The following SPI1 variants were observed in gnomAD, a reference collection of about 807,000 sequenced individuals.
The protein encoded by SPI1 is transcription factor PU.1.
Under a neutral mutation model 30.7 loss-of-function variants are expected in SPI1, and 3 were observed. The ratio of observed to expected loss-of-function variants is 0.10; its 90% CI spans 0.04 to 0.25. The LOEUF (loss-of-function observed/expected upper bound fraction) is 0.25. Among genes scored for constraint, SPI1 ranks in the 10% least tolerant of loss-of-function variants. The pLI, the probability that SPI1 is intolerant of heterozygous loss-of-function variation, is 1.00. For missense variants in SPI1, 261 were observed against 371.5 expected (o/e 0.70, Z 2.45); for synonymous variants, 169 against 157.1 (o/e 1.08, Z -0.56).
intron 1 of SPI1, among the ~76,000 whole-genome samples, chr11:47,377,813 G>T (rs58327327): frequency 6.3e-4 from 96 of 152,316 alleles, no homozygotes; most frequent in African/African-American, 2.2e-3. Flanking sequence ...TGTCCTCTGT[G>T]CCAGGCCCCA....
Position 47,355,479 on chromosome 11 carries a change from G to A in SPI1, c.561C>T (p.Asp187=), listed in dbSNP as rs779304769. The A allele has an allele frequency of 1.1e-5, 17 of 1,613,304 alleles. No homozygotes were observed. Among genetic ancestry groups the A allele is most frequent in the Non-Finnish European group, 1.4e-5 (17 of 1,179,508 alleles). ...LDLLRSGDMK[D]SIWWVDKDKG... is the part of the protein sequence containing the mutation. ...TGTCCTTGTCCACCCACCAGATGCT[G>A]TCCTTCATGTCGCCGCTGCGGAGCA... Residue 187 remains aspartate, a synonymous_variant, in exon 5 of 5, where the codon GAC becomes GAT. Transcript: ENST00000378538.
chr11:47,371,080 G>A (rs1481811387), intron 2 of SPI1, among the ~76,000 whole-genome samples: 1 of 152,006 alleles, frequency 6.6e-6, no homozygotes, highest in Admixed American at 6.6e-5. Flanking sequence ...AAGACTGGAG[G>A]CCGGGCACGG....
At position 47,355,715 on chromosome 11, in the gene SPI1, C is replaced by G. The variant is rs144813051; in HGVS notation, c.494-169G>C. Among the ~76,000 whole-genome samples, 628 of 152,028 alleles carry G rather than the reference C, an allele frequency of 4.1e-3. 1 individual carries two copies. Among genetic ancestry groups the G allele is most frequent in the African/African-American group, 0.015 (614 of 41,428 alleles). On this transcript the variant is annotated intron_variant, in intron 4 of 4. Coordinates refer to ENST00000378538, the MANE Select transcript of SPI1 (RefSeq NM_003120.3). Reference sequence around the variant, plus strand: ...TACACAACGCACCCACACTCACACACACACACATGCTTGCGCACACACAGG... The same window carrying G: ...TACACAACGCACCCACACTCACACAGACACACATGCTTGCGCACACACAGG...
At chr11:47,356,082 CAT>C (rs748016549) in intron 4 of SPI1, among the ~76,000 whole-genome samples, 17 of 151,750 alleles carry the variant, frequency 1.1e-4, no homozygotes, top group South Asian at 4.2e-4. Context: ...TGCTCACACA[CAT>C]GCTTGTGCAA....
chr11:47,355,598 G>T, intron 4 of SPI1, 52 bp from the exon 5 acceptor site: 1 of 1,454,090 alleles, frequency 6.9e-7, no homozygotes, highest in Non-Finnish European at 9.2e-7. Flanking sequence ...CATGGGAGCC[G>T]CCCCCACCGC....
intron 4 of SPI1, among the ~76,000 whole-genome samples, chr11:47,356,543 G>C (rs145081943): frequency 6.8e-6 from 1 of 146,710 alleles, no homozygotes; most frequent in Non-Finnish European, 1.5e-5. Flanking sequence ...CCTCACACCA[G>C]GTTCACACAC....
intron 4 of SPI1, among the ~76,000 whole-genome samples, chr11:47,356,118 C>G (rs2095908557): frequency 6.6e-6 from 1 of 151,372 alleles, no homozygotes; most frequent in African/African-American, 2.4e-5. Flanking sequence ...CAGATTGCAC[C>G]CACACCCACC....
intron 4 of SPI1, among the ~76,000 whole-genome samples, chr11:47,356,990 C>T (rs919330552): frequency 6.7e-6 from 1 of 148,946 alleles, no homozygotes; most frequent in African/African-American, 2.5e-5. Flanking sequence ...ACATGCTCAC[C>T]TATCCATACA....
At position 47,355,052 on chromosome 11, in the gene SPI1, G is replaced by A. The variant is rs2095905855; in HGVS notation, c.*175C>T. ...CCGGGGTGGAGTCCTGGAGGGAGGC[G>A]AAGCGGGATGTGGAGGGGGCCTGGA... On this transcript the variant is annotated 3_prime_UTR_variant, in exon 5 of 5. Transcript: ENST00000378538. 1 of 399,472 alleles carries A rather than the reference G, an allele frequency of 2.5e-6. No homozygotes were observed. The highest frequency in any genetic ancestry group is 4.7e-5 in the East Asian group (1 of 21,302). 24.7% of individuals were successfully genotyped at this position (399,472 alleles called of 1,614,324 possible).
At chr11:47,369,636 G>T (rs1473336853) in intron 2 of SPI1, among the ~76,000 whole-genome samples, 1 of 151,626 alleles carries the variant, frequency 6.6e-6, no homozygotes, top group Non-Finnish European at 1.5e-5. Flanking sequence ...ACATGGAGTG[G>T]TATCAGACTT....
At position 47,374,487 on chromosome 11, in the gene SPI1, A is replaced by G. The variant is rs776853957; in HGVS notation, c.142+1146T>C. Among the ~76,000 whole-genome samples, 17 of 152,074 alleles carry G rather than the reference A, an allele frequency of 1.1e-4. No homozygotes were observed. Among genetic ancestry groups the G allele is most frequent in the Non-Finnish European group, 1.9e-4 (13 of 68,016 alleles). On this transcript the variant is annotated intron_variant, in intron 2 of 4. Coordinates refer to ENST00000378538, the MANE Select transcript of SPI1 (RefSeq NM_003120.3). This position sits in a 1 kb window ranked among gnomAD's most constrained non-coding sequence, Gnocchi z 4.5. ...CACATGTGGATCCCTAGCTGGGCCC[A>G]TCAGGTTTAGACCGCCACAGGTGCA...
intron 2 of SPI1, among the ~76,000 whole-genome samples, chr11:47,365,365 T>C (rs1324518850): frequency 6.6e-6 from 1 of 152,226 alleles, no homozygotes; most frequent in East Asian, 1.9e-4. Flanking sequence ...TAGATCTCAA[T>C]CGCTATTTGA....
intron 4 of SPI1, chr11:47,358,297 T>C: frequency 2.0e-6 from 1 of 497,262 alleles, no homozygotes; most frequent in Non-Finnish European, 3.7e-6. Context: ...CACATATCAC[T>C]CACACATGCC....
chr11:47,377,289 A>G (rs1468696497), intron 1 of SPI1, among the ~76,000 whole-genome samples: 1 of 152,088 alleles, frequency 6.6e-6, no homozygotes, highest in African/African-American at 2.4e-5. Flanking sequence ...GAGCCAGGGC[A>G]TAGTGGGGGA....
At chr11:47,369,548 A>C (rs1232633149) in intron 2 of SPI1, among the ~76,000 whole-genome samples, 1 of 84,398 alleles carries the variant, frequency 1.2e-5, no homozygotes, top group East Asian at 3.3e-4. Flanking sequence ...AAGAAAACAA[A>C]AGAGAGAGAG....
chr11:47,358,507 C>T, intron 4 of SPI1: 1 of 662,948 alleles, frequency 1.5e-6, no homozygotes, highest in South Asian at 1.6e-5. Flanking sequence ...CACACACCCA[C>T]TCACACAGCC....
chr11:47,376,444 C>T (rs1034057943), intron 1 of SPI1, among the ~76,000 whole-genome samples: 11 of 152,090 alleles, frequency 7.2e-5, no homozygotes, highest in South Asian at 4.1e-4. Context: ...TCCACACTGA[C>T]GGTTGGTGCA....
intron 1 of SPI1, among the ~76,000 whole-genome samples, chr11:47,376,002 C>A (rs941019163): frequency 4.6e-5 from 7 of 151,544 alleles, no homozygotes; most frequent in Admixed American, 3.3e-4. Context: ...CACGCTCACA[C>A]TCACACTCAC....
rs2095939608 is a variant in SPI1, at chr11:47,374,327, G to T, written c.142+1306C>A. ...AGGAATTAAAAAGGATATTTTAAAG[G>T]CTTTCTAGCCCTGAAAGATTCTAAA... On this transcript the variant is annotated intron_variant, in intron 2 of 4. Coordinates refer to ENST00000378538, the MANE Select transcript of SPI1 (RefSeq NM_003120.3). The surrounding 1 kb of genome is among the most constrained non-coding windows in gnomAD (Gnocchi z 4.5). 6.6e-6 allele frequency among the ~76,000 whole-genome samples: 1 copy of T among 152,142 alleles called. No individual in the cohort carries two copies. The highest frequency in any genetic ancestry group is 2.4e-5 in the African/African-American group (1 of 41,426).
Sources: gnomAD v4.1 joint callset for allele counts (sites outside exome capture counted in the v4.1 genomes callset) on GRCh38, gnomAD v4.1.1 for gene constraint, Gnocchi (gnomAD v3.1) non-coding constraint, MANE v1.5 for transcripts, NCBI Gene and HGNC (gene_info 2026-07-23, HGNC 2026-07-21) for gene names.